ME1: variants seen among roughly 807,000 people sequenced by gnomAD.
The protein encoded by ME1 is malic enzyme 1.
ME1 carries 74 observed loss-of-function variants against 66.4 expected under a neutral mutation model. The ratio of observed to expected loss-of-function variants is 1.11; its 90% CI spans 0.92 to 1.35. ME1 has a LOEUF of 1.35. ME1 is among the 40% of genes most tolerant of loss of function. The pLI is 0.00. For synonymous variants in ME1, 251 were observed against 235.6 expected (o/e 1.07, Z -0.60); for missense variants, 750 against 694.1 (o/e 1.08, Z -0.90).
Position 83,346,199 on chromosome 6 carries a change from T to C in ME1, c.574A>G (p.Ile192Val). Residue 192 changes from isoleucine to valine, a missense_variant, in exon 5 of 14, where the codon ATT (isoleucine) becomes GTT (valine). Transcript: ENST00000369705. ...TCATTTTCGGTTCCCACATCCAGAA[T>C]GACAGGCAGACATTCTTGAGGATTC... Reference protein sequence around the residue: ...GMNPQECLPVILDVGTENEEL... With the variant: ...GMNPQECLPVVLDVGTENEEL... 1 of 1,609,586 alleles carries C rather than the reference T, an allele frequency of 6.2e-7. No individual in the cohort carries two copies. The highest frequency in any genetic ancestry group is 8.5e-7 in the Non-Finnish European group (1 of 1,177,418).
intron 6 of ME1, among the ~76,000 whole-genome samples, chr6:83,280,420 G>A (rs1355239498): frequency 6.6e-6 from 1 of 152,136 alleles, no homozygotes; most frequent in East Asian, 1.9e-4. Flanking sequence ...AGTGGATTTG[G>A]ATTTGTTATA....
intron 4 of ME1, among the ~76,000 whole-genome samples, chr6:83,350,457 T>A (rs2128544397): frequency 6.6e-6 from 1 of 152,308 alleles, no homozygotes. Context: ...ATTGACTTGT[T>A]AATTCTTGTT....
intron 6 of ME1, among the ~76,000 whole-genome samples, chr6:83,269,689 A>C (rs1767051999): frequency 6.6e-6 from 1 of 152,190 alleles, no homozygotes; most frequent in Non-Finnish European, 1.5e-5. Flanking sequence ...TTGGGAAAGA[A>C]GTTAGTAACT....
chr6:83,355,079 A>T (rs1031168789), intron 3 of ME1, among the ~76,000 whole-genome samples: 2 of 152,160 alleles, frequency 1.3e-5, no homozygotes, highest in African/African-American at 4.8e-5. Context: ...TGTTTCTCAA[A>T]ATTGATTATA....
In ME1 at chr6:83,349,016, C is replaced by A. The variant is rs1175443728; in HGVS notation, c.439-2682G>T. ...AAAAAAAAAAACAAAAAACAAAAAA[C>A]AGTGCATTCTTTCTTATTTCTTCAT... On this transcript the variant is annotated intron_variant, in intron 4 of 13. Transcript: ENST00000369705. Among the ~76,000 whole-genome samples, 211 of 100,232 alleles carry A rather than the reference C, an allele frequency of 2.1e-3. 12 individuals are homozygous for A. Among genetic ancestry groups the A allele is most frequent in the East Asian group, 8.5e-3 (26 of 3,068 alleles). 65.8% of individuals were successfully genotyped at this position (100,232 alleles called of 152,430 possible). A position where few individuals can be genotyped will look rare whatever the true frequency, so the allele number is the denominator to read the frequency against.
intron 4 of ME1, 38 bp downstream of exon 4, chr6:83,352,026 G>GA (rs1768810380): frequency 7.3e-7 from 1 of 1,371,088 alleles, no homozygotes; most frequent in Admixed American, 2.2e-5. Flanking sequence ...ACAGAAAAAA[G>GA]AAAAAATTTG....
intron 12 of ME1, among the ~76,000 whole-genome samples, chr6:83,219,146 C>A (rs1790042791): frequency 6.6e-6 from 1 of 152,150 alleles, no homozygotes; most frequent in African/African-American, 2.4e-5. Context: ...CAAAATAAAA[C>A]CATTTTATGT....
intron 12 of ME1, among the ~76,000 whole-genome samples, chr6:83,221,071 T>C (rs1336841078): frequency 1.3e-5 from 2 of 151,148 alleles, no homozygotes. Context: ...GAGGCAGGAG[T>C]ATTGCTTGAA....
intron 6 of ME1, among the ~76,000 whole-genome samples, chr6:83,270,415 A>G (rs1767062859): frequency 6.6e-6 from 1 of 151,996 alleles, no homozygotes; most frequent in East Asian, 1.9e-4. Flanking sequence ...ATAAAAAAAA[A>G]ATTTGATATT....
chr6:83,356,738 A>T (rs1020842759), intron 3 of ME1, among the ~76,000 whole-genome samples: 7 of 138,472 alleles, frequency 5.1e-5, no homozygotes, highest in African/African-American at 1.8e-4. Flanking sequence ...GAAGTACATT[A>T]CATAAAATTG....
At position 83,431,043 on chromosome 6, in the gene ME1, A is replaced by G; in HGVS notation, c.-89T>C. Reference sequence around the variant, plus strand: ...GGATGCTGCTGGGGTGACGGTGCTGACTGCAGCTGTGGCGGCGGCGGCCGC... The same window carrying G: ...GGATGCTGCTGGGGTGACGGTGCTGGCTGCAGCTGTGGCGGCGGCGGCCGC... On this transcript the variant is annotated 5_prime_UTR_variant, in exon 1 of 14. Coordinates refer to ENST00000369705, the MANE Select transcript of ME1 (RefSeq NM_002395.6). The G allele has an allele frequency of 1.3e-6, 1 of 788,458 alleles. No individual in the cohort carries two copies. Among genetic ancestry groups the G allele is most frequent in the Non-Finnish European group, 1.8e-6 (1 of 559,442 alleles). 48.8% of individuals were successfully genotyped at this position (788,458 alleles called of 1,614,324 possible).
chr6:83,373,750 C>T (rs1224187663), intron 3 of ME1, among the ~76,000 whole-genome samples: 1 of 152,084 alleles, frequency 6.6e-6, no homozygotes, highest in Non-Finnish European at 1.5e-5. Flanking sequence ...AGCTATTTGT[C>T]CTGATCTCCT....
chr6:83,417,995 T>C (rs1437769791), intron 1 of ME1, among the ~76,000 whole-genome samples: 1 of 152,228 alleles, frequency 6.6e-6, no homozygotes, highest in African/African-American at 2.4e-5. Flanking sequence ...GCACAAAATA[T>C]GTTGAAAACT....
At chr6:83,321,013 G>A (rs1192013666) in intron 5 of ME1, among the ~76,000 whole-genome samples, 2 of 152,170 alleles carry the variant, frequency 1.3e-5, no homozygotes, top group Non-Finnish European at 2.9e-5. Flanking sequence ...GCAAGGAGAA[G>A]CAGGGTGGGG....
At chr6:83,408,473 T>G (rs1459350628) in intron 1 of ME1, among the ~76,000 whole-genome samples, 4 of 152,194 alleles carry the variant, frequency 2.6e-5, no homozygotes, top group Non-Finnish European at 5.9e-5. Context: ...GGTCAAGATA[T>G]TCTTCCCTGT....
intron 3 of ME1, among the ~76,000 whole-genome samples, chr6:83,355,758 T>C (rs1015452682): frequency 4.6e-5 from 7 of 152,058 alleles, no homozygotes; most frequent in African/African-American, 1.7e-4. Context: ...TATAAAAACA[T>C]TAATTTTCAA....
At chr6:83,371,534 T>C (rs528503013) in intron 3 of ME1, among the ~76,000 whole-genome samples, 1 of 152,294 alleles carries the variant, frequency 6.6e-6, no homozygotes, top group Non-Finnish European at 1.5e-5. Flanking sequence ...TTTTTCCTTT[T>C]CAGAGAAAAG....
At chr6:83,368,855 C>T (rs1769145671) in intron 3 of ME1, among the ~76,000 whole-genome samples, 1 of 152,114 alleles carries the variant, frequency 6.6e-6, no homozygotes, top group Admixed American at 6.5e-5. Context: ...TAAGCTGAGA[C>T]TCAATATTCT....
At chr6:83,217,716 A>C (rs1260631965) in intron 12 of ME1, among the ~76,000 whole-genome samples, 1 of 152,186 alleles carries the variant, frequency 6.6e-6, no homozygotes, top group Non-Finnish European at 1.5e-5. Flanking sequence ...ACAAACAGAA[A>C]GTAGGTAGGC....
Sources: allele counts gnomAD v4.1 joint callset (sites outside exome capture counted in the v4.1 genomes callset), GRCh38; gene constraint gnomAD v4.1.1; transcripts MANE v1.5; gene names NCBI Gene and HGNC (gene_info 2026-07-23, HGNC 2026-07-21).